The following CDRT4 variants were observed in gnomAD, a reference collection of about 807,000 sequenced individuals.
CDRT4 encodes CMT1A duplicated region transcript 4 protein.
For missense variants in CDRT4, 167 were observed against 193.1 expected (o/e 0.87, Z 0.80); for synonymous variants, 64 against 69.6 (o/e 0.92, Z 0.40).
intron 1 of CDRT4, among the ~76,000 whole-genome samples, chr17:15,460,565 T>C (rs1979700157): frequency 6.6e-6 from 1 of 152,150 alleles, no homozygotes. Context: ...AAGCCACACA[T>C]CTAATACAGT....
At chr17:15,438,400 A>C (rs906672195) in intron 3 of CDRT4, among the ~76,000 whole-genome samples, 200 bp from the exon 4 acceptor site, 1 of 148,040 alleles carries the variant, frequency 6.8e-6, no homozygotes, top group Non-Finnish European at 1.5e-5. Flanking sequence ...ACAACGAAAG[A>C]ATGGTAAGGA....
At position 15,450,102 on chromosome 17, in the gene CDRT4, A is replaced by T. The variant is rs897895865; in HGVS notation, c.-48+2902T>A. ...TAGTGGAACTGTTGTGTCCAATGGT[A>T]GTTCTATGTTTAGTTCTTTAAGAAA... On this transcript the variant is annotated intron_variant, in intron 2 of 3. Transcript: ENST00000619038. The surrounding 1 kb of genome is among the most constrained non-coding windows in gnomAD (Gnocchi z 4.2). Among the ~76,000 whole-genome samples, 1 of 152,206 alleles carries T rather than the reference A, an allele frequency of 6.6e-6. No individual in the cohort carries two copies. Among genetic ancestry groups the T allele is most frequent in the African/African-American group, 2.4e-5 (1 of 41,444 alleles).
intron 1 of CDRT4, among the ~76,000 whole-genome samples, chr17:15,458,912 G>T (rs1979611938): frequency 6.6e-6 from 1 of 152,110 alleles, no homozygotes; most frequent in African/African-American, 2.4e-5. Context: ...AGCTCTGCAG[G>T]CTGGGCCCAG....
In CDRT4 at chr17:15,437,677, T is replaced by C. The variant is rs1217683301; in HGVS notation, c.*96A>G. 1.2e-5 allele frequency: 15 copies of C among 1,265,022 alleles called. No individual in the cohort carries two copies. Among genetic ancestry groups the C allele is most frequent in the Non-Finnish European group, 1.6e-5 (14 of 900,202 alleles). 78.4% of individuals were successfully genotyped at this position (1,265,022 alleles called of 1,614,324 possible). ...GCAAGTTCAGATTTAAAGGACACTG[T>C]CAAGTGAGTGGTAAATGGAGCTTAA... On this transcript the variant is annotated 3_prime_UTR_variant, in exon 4 of 4. Transcript: ENST00000619038.
intron 1 of CDRT4, among the ~76,000 whole-genome samples, chr17:15,456,465 G>T (rs1342124729): frequency 6.6e-6 from 1 of 151,842 alleles, no homozygotes; most frequent in Non-Finnish European, 1.5e-5. Flanking sequence ...AAAGTGTCAG[G>T]TTCTGTCATA....
In CDRT4 at chr17:15,437,371, C is replaced by T; in HGVS notation, c.*402G>A. 1 of 229,398 alleles carries T rather than the reference C, an allele frequency of 4.4e-6. No individual in the cohort carries two copies. The highest frequency in any genetic ancestry group is 7.4e-5 in the South Asian group (1 of 13,490). The allele number at this position is 229,398 out of a possible 1,614,324, so 14.2% of individuals were successfully genotyped here. The stretch of plus-strand genomic sequence containing the variant: ...AGTGTGATGCCTGCTTCCTGTGGTG[C>T]TACCTCCATGGATACCTTTGTATTC... On this transcript the variant is annotated 3_prime_UTR_variant, in exon 4 of 4. Transcript: ENST00000619038.
Position 15,457,801 on chromosome 17 carries a change from C to A in CDRT4, c.-129-4716G>T, listed in dbSNP as rs151135986. Among the ~76,000 whole-genome samples, 10 of 152,280 alleles carry A rather than the reference C, an allele frequency of 6.6e-5. No individual in the cohort carries two copies. In the East Asian group the frequency reaches 1.9e-3, roughly 29 times the overall value. Reference sequence around the variant, plus strand: ...GGGGCTCCACATGCTCCACACGCTGCCAAGACAGGGACGAGGCTAGGAGGT... The same window carrying A: ...GGGGCTCCACATGCTCCACACGCTGACAAGACAGGGACGAGGCTAGGAGGT... On this transcript the variant is annotated intron_variant, in intron 1 of 3. Transcript: ENST00000619038.
At chr17:15,459,439 CTT>C (rs35161691) in intron 1 of CDRT4, among the ~76,000 whole-genome samples, 2,496 of 107,578 alleles carry the variant, frequency 0.023, 75 homozygotes, top group African/African-American at 0.09. Context: ...CTTTTTTTTT[CTT>C]TTTTTTTTTT....
intron 2 of CDRT4, chr17:15,444,151 A>G: frequency 8.0e-7 from 1 of 1,256,018 alleles, no homozygotes; most frequent in Non-Finnish European, 1.1e-6. Flanking sequence ...GATGGTATAT[A>G]TGTCTCTGAA....
In CDRT4 at chr17:15,448,543, C is replaced by T. The variant is rs887073443; in HGVS notation, c.-48+4461G>A. ...ATGTGGAGACACACACCCTCTCTCC[C>T]TTCTGCCGCAGACACCCCTGGGACT... On this transcript the variant is annotated intron_variant, in intron 2 of 3. Coordinates refer to ENST00000619038, the MANE Select transcript of CDRT4 (RefSeq NM_001204477.2). 2.6e-5 allele frequency among the ~76,000 whole-genome samples: 4 copies of T among 152,200 alleles called. No homozygotes were observed. In the South Asian group the frequency reaches 8.3e-4, roughly 32 times the overall value.
At chr17:15,444,239 A>G in intron 2 of CDRT4, 1 of 676,426 alleles carries the variant, frequency 1.5e-6, no homozygotes, top group Non-Finnish European at 2.6e-6. Context: ...GATGATTCCT[A>G]AGACCTACTT....
At chr17:15,456,158 C>T (rs1979472181) in intron 1 of CDRT4, among the ~76,000 whole-genome samples, 1 of 152,094 alleles carries the variant, frequency 6.6e-6, no homozygotes, top group African/African-American at 2.4e-5. Context: ...GTAAGGGAAC[C>T]TATGTAAGTA....
At chr17:15,444,056 A>C (rs906151605) in intron 2 of CDRT4, 1 of 944,738 alleles carries the variant, frequency 1.1e-6, no homozygotes, top group Non-Finnish European at 1.7e-6. Context: ...AAGATGAAGG[A>C]AACAACATTG....
At chr17:15,459,881 G>A (rs1179610053) in intron 1 of CDRT4, among the ~76,000 whole-genome samples, 1 of 151,976 alleles carries the variant, frequency 6.6e-6, no homozygotes, top group Admixed American at 6.6e-5. Flanking sequence ...TGACCTGTTG[G>A]CAAGGGAGCC....
intron 2 of CDRT4, 42 bp from the exon 3 acceptor site, chr17:15,440,327 G>T: frequency 1.3e-6 from 2 of 1,599,030 alleles, no homozygotes; most frequent in Non-Finnish European, 1.7e-6. Context: ...TCCTCAAACT[G>T]GAAAGCAATT....
rs1445105663 is a variant in CDRT4 at position 15,464,039 on chromosome 17, CA to C, written c.-130+3420del. Among the ~76,000 whole-genome samples the C allele has an allele frequency of 6.6e-6, 1 of 152,164 alleles. No individual in the cohort carries two copies. Among genetic ancestry groups the C allele is most frequent in the Admixed American group, 6.5e-5 (1 of 15,280 alleles). Reference sequence around the variant, plus strand: ...AGACAGAGCACGGGGACCAGGAACCCAATGCCCTCTAGGAGTATGGCATGGA... The same window carrying C: ...AGACAGAGCACGGGGACCAGGAACCCATGCCCTCTAGGAGTATGGCATGGA... On this transcript the variant is annotated intron_variant, in intron 1 of 3. Coordinates refer to ENST00000619038, the MANE Select transcript of CDRT4 (RefSeq NM_001204477.2). The surrounding 1 kb of genome is among the most constrained non-coding windows in gnomAD (Gnocchi z 4.5).
At chr17:15,463,177 A>G (rs1316207643) in intron 1 of CDRT4, among the ~76,000 whole-genome samples, 3 of 152,066 alleles carry the variant, frequency 2.0e-5, no homozygotes, top group Non-Finnish European at 4.4e-5. Flanking sequence ...AGAGAAGATC[A>G]GGCGTGTTGG....
At chr17:15,443,336 G>A (rs1978859386) in intron 2 of CDRT4, among the ~76,000 whole-genome samples, 1 of 149,554 alleles carries the variant, frequency 6.7e-6, no homozygotes, top group African/African-American at 2.5e-5. Context: ...CTGGAGTGTA[G>A]TGGCACGATC....
At chr17:15,453,503 G>A (rs3826382) in intron 1 of CDRT4, among the ~76,000 whole-genome samples, 81 of 152,252 alleles carry the variant, frequency 5.3e-4, no homozygotes, top group Admixed American at 1.8e-3. Flanking sequence ...TTTAAAATCC[G>A]GGAACGGGCC....
Sources: gnomAD v4.1 joint callset for allele counts (sites outside exome capture counted in the v4.1 genomes callset) on GRCh38, gnomAD v4.1.1 for gene constraint, Gnocchi (gnomAD v3.1) non-coding constraint, MANE v1.5 for transcripts, NCBI Gene and HGNC (gene_info 2026-07-23, HGNC 2026-07-21) for gene names.